Variants in SLC8A1 observed in about 807,000 individuals in gnomAD.
The protein encoded by SLC8A1 is solute carrier family 8 member A1.
In SLC8A1, 18 loss-of-function variants were observed where a neutral mutation model predicts 68.3. The ratio of observed to expected loss-of-function variants is 0.26; its 90% CI spans 0.18 to 0.39. SLC8A1 has a LOEUF of 0.39. SLC8A1 is among the 10% of genes least tolerant of loss of function. The probability of loss-of-function intolerance (pLI) is 1.00; values close to 1 mark genes in which losing one functional copy is unlikely to be tolerated. For missense variants in SLC8A1, 985 were observed against 1,156.7 expected (o/e 0.85, Z 2.15); for synonymous variants, 475 against 415.5 (o/e 1.14, Z -1.74).
At chr2:40,343,077 C>A (rs779011609) in intron 2 of SLC8A1, among the ~76,000 whole-genome samples, 29 of 151,372 alleles carry the variant, frequency 1.9e-4, no homozygotes, top group Admixed American at 2.6e-4. Flanking sequence ...TTATTTTTTT[C>A]TTTCTCGGGT....
At chr2:40,319,172 G>C (rs2074875118) in intron 2 of SLC8A1, among the ~76,000 whole-genome samples, 2 of 152,064 alleles carry the variant, frequency 1.3e-5, no homozygotes, top group African/African-American at 2.4e-5. Flanking sequence ...TCCAAGCGAT[G>C]GATTGTTTTA....
At position 40,502,104 on chromosome 2, in the gene SLC8A1, G is replaced by GATATAGAC. The variant is rs1480717638; in HGVS notation, c.-25+10237_-25+10244dup. Among the ~76,000 whole-genome samples, 5 of 152,188 alleles carry GATATAGAC rather than the reference G, an allele frequency of 3.3e-5. No individual in the cohort carries two copies. The East Asian group carries it at 9.7e-4, about 29-fold the overall frequency. ...CCATTTGGTTCTTTCTAGGCCAATG[G>GATATAGAC]ATATAGACAGAAAAGCAAACAAAGT... On this transcript the variant is annotated intron_variant, in intron 1 of 7. Transcript: ENST00000402441.
At chr2:40,254,178 T>TAATATAAAAAAAGAA (rs1165653522) in intron 2 of SLC8A1, among the ~76,000 whole-genome samples, 1 of 147,724 alleles carries the variant, frequency 6.8e-6, no homozygotes. Flanking sequence ...AACAAAAAAT[T>TAATATAAAAAAAGAA]AATATAAAAA....
intron 7 of SLC8A1, among the ~76,000 whole-genome samples, chr2:40,133,381 T>A (rs2039789107): frequency 2.4e-5 from 1 of 41,450 alleles, no homozygotes. Context: ...AAAGGTTCTA[T>A]ATACAAAATT....
At chr2:40,412,436 A>G (rs940883641) in intron 2 of SLC8A1, among the ~76,000 whole-genome samples, 2 of 152,184 alleles carry the variant, frequency 1.3e-5, no homozygotes, top group South Asian at 4.1e-4. Context: ...CACTGGATTA[A>G]AAGCTGGAAA....
At chr2:40,295,769 C>T (rs2070254663) in intron 2 of SLC8A1, among the ~76,000 whole-genome samples, 1 of 152,108 alleles carries the variant, frequency 6.6e-6, no homozygotes, top group Admixed American at 6.5e-5. Context: ...TTTAACAAGT[C>T]CCTACTAACA....
chr2:40,122,521 C>T (rs1174818909), intron 7 of SLC8A1, among the ~76,000 whole-genome samples: 1 of 152,202 alleles, frequency 6.6e-6, no homozygotes, highest in African/African-American at 2.4e-5. Flanking sequence ...AGGGCACCTG[C>T]TTCTAGTCAC....
chr2:40,385,031 T>C (rs1683112362), intron 2 of SLC8A1, among the ~76,000 whole-genome samples: 1 of 152,062 alleles, frequency 6.6e-6, no homozygotes. Flanking sequence ...TCTTATAAAA[T>C]ACATTTCTAA....
At chr2:40,255,456 A>T (rs912038085) in intron 2 of SLC8A1, among the ~76,000 whole-genome samples, 4 of 152,204 alleles carry the variant, frequency 2.6e-5, no homozygotes, top group African/African-American at 9.7e-5. Flanking sequence ...ACTATTTTGT[A>T]CAGAGAACAT....
chr2:40,252,929 GTATATGTATGTACATA>G (rs2063073537), intron 2 of SLC8A1, among the ~76,000 whole-genome samples: 1 of 122,836 alleles, frequency 8.1e-6, no homozygotes, highest in East Asian at 2.1e-4. Flanking sequence ...ATACATACAT[GTATATGTATGTACATA>G]TATACATATG....
At position 40,154,715 on chromosome 2, in the gene SLC8A1, A is replaced by T. The variant is rs533121000; in HGVS notation, c.2161+6050T>A. Among the ~76,000 whole-genome samples, 10 of 152,150 alleles carry T rather than the reference A, an allele frequency of 6.6e-5. No homozygotes were observed. The South Asian group carries it at 2.1e-3, about 32-fold the overall frequency. On this transcript the variant is annotated intron_variant, in intron 6 of 7. Coordinates refer to ENST00000406785, the Ensembl canonical transcript of SLC8A1. ...TAGGGTCTTACTCTGTAGCCTAGGC[A>T]GTCTAGTGGTGCAATCACAGCTCAC... is the stretch of plus-strand genomic sequence containing the variant.
intron 2 of SLC8A1, among the ~76,000 whole-genome samples, chr2:40,212,283 C>CTTTTTTT (rs11369856): frequency 7.3e-6 from 1 of 136,824 alleles, no homozygotes; most frequent in African/African-American, 2.7e-5. Context: ...GATGCAATAT[C>CTTTTTTT]TTTTTTTTTT....
intron 5 of SLC8A1, among the ~76,000 whole-genome samples, chr2:40,161,474 A>AAAGTT (rs1233738108): frequency 1.3e-5 from 2 of 152,178 alleles, no homozygotes; most frequent in Admixed American, 1.3e-4. Context: ...AAATACAAGA[A>AAAGTT]AAGTTCAGTT....
intron 1 of SLC8A1, among the ~76,000 whole-genome samples, chr2:40,484,821 G>A (rs1392591462): frequency 6.6e-6 from 1 of 152,188 alleles, no homozygotes; most frequent in African/African-American, 2.4e-5. Flanking sequence ...GGAGGGTCAT[G>A]TTAGGTTCTA....
chr2:40,460,111 C>A (rs1057167517), intron 1 of SLC8A1, among the ~76,000 whole-genome samples: 2 of 152,156 alleles, frequency 1.3e-5, no homozygotes, highest in African/African-American at 4.8e-5. Context: ...GATTACAACT[C>A]ATATACTGTG....
At chr2:40,480,563 T>C (rs116476375) in intron 1 of SLC8A1, among the ~76,000 whole-genome samples, 3,225 of 152,276 alleles carry the variant, frequency 0.021, 140 homozygotes, top group Admixed American at 0.099. Context: ...GCAGCCAGTT[T>C]ATGGGATTTT....
chr2:40,404,378 T>C (rs1242355331), intron 2 of SLC8A1, among the ~76,000 whole-genome samples: 1 of 152,246 alleles, frequency 6.6e-6, no homozygotes, highest in Non-Finnish European at 1.5e-5. Flanking sequence ...ATTTCCTCTG[T>C]AATGCAACAA....
intron 2 of SLC8A1, among the ~76,000 whole-genome samples, chr2:40,389,647 C>T (rs1684664108): frequency 6.6e-6 from 1 of 151,896 alleles, no homozygotes; most frequent in African/African-American, 2.4e-5. Flanking sequence ...ACCCCCATTC[C>T]CATGTTACTG....
rs554440142 is a variant in SLC8A1, at chr2:40,384,392, A to T, written c.1808+44081T>A. Among the ~76,000 whole-genome samples, 4 of 152,256 alleles carry T rather than the reference A, an allele frequency of 2.6e-5. No homozygotes were observed. The South Asian group carries it at 8.3e-4, about 32-fold the overall frequency. ...TTGTAGATTGTTGAAATTTGATGAA[A>T]ACACAATGAGACAGTCTCAAGCAGA... On this transcript the variant is annotated intron_variant, in intron 2 of 7. Coordinates refer to ENST00000406785, the Ensembl canonical transcript of SLC8A1.
Sources: allele counts gnomAD v4.1 joint callset (sites outside exome capture counted in the v4.1 genomes callset), GRCh38; gene constraint gnomAD v4.1.1; transcripts MANE v1.5; gene names NCBI Gene and HGNC (gene_info 2026-07-23, HGNC 2026-07-21).